MYO5A: variants seen among roughly 807,000 people sequenced by gnomAD.
The protein encoded by MYO5A is unconventional myosin-Va.
Under a neutral mutation model 249.7 loss-of-function variants are expected in MYO5A, and 98 were observed. That is an observed-to-expected ratio of 0.39 (90% CI 0.33 to 0.46). The LOEUF (loss-of-function observed/expected upper bound fraction) is 0.46, where lower values mean the gene tolerates loss of function less well. Among genes scored for constraint, MYO5A ranks in the 20% least tolerant of loss-of-function variants. The pLI is 0.98. For missense variants in MYO5A, 1,696 were observed against 2,308.8 expected, an observed-to-expected ratio of 0.73 and a Z score of 5.44; for synonymous variants, 778 against 810.6, an observed-to-expected ratio of 0.96 and a Z score of 0.68.
chr15:52,435,154 G>A (rs186167959), intron 1 of MYO5A, among the ~76,000 whole-genome samples: 507 of 151,986 alleles, frequency 3.3e-3, no homozygotes, highest in Non-Finnish European at 6.1e-3. Flanking sequence ...AGGAGAAAGC[G>A]AAAAGAAAGT....
intron 1 of MYO5A, among the ~76,000 whole-genome samples, chr15:52,473,614 G>A (rs553007139): frequency 1.6e-4 from 25 of 152,218 alleles, no homozygotes; most frequent in African/African-American, 6.0e-4. Context: ...TCTACATATG[G>A]CTACCCAGTT....
chr15:52,318,958 C>T lies in MYO5A; in HGVS notation c.5234+102G>A, dbSNP rs1467036004. ...TGCTGCTTGGCCACATGGCACCAGA[C>T]ATGAGATGCAAGAACTGAAAACAAG... On this transcript the variant is annotated intron_variant, in intron 39 of 41. Transcript: ENST00000399233. The T allele has an allele frequency of 2.8e-6, 4 of 1,426,094 alleles. No homozygotes were observed. In the South Asian group the frequency reaches 3.6e-5, roughly 13 times the overall value. 88.3% of individuals were successfully genotyped at this position (1,426,094 alleles called of 1,614,324 possible). A position where few individuals can be genotyped will look rare whatever the true frequency, so the allele number is the denominator to read the frequency against.
chr15:52,425,172 G>C lies in MYO5A; in HGVS notation c.455+658C>G, dbSNP rs555233439. 3.3e-5 allele frequency among the ~76,000 whole-genome samples: 5 copies of C among 152,218 alleles called. No individual in the cohort carries two copies. The East Asian group carries it at 9.6e-4, about 29-fold the overall frequency. The stretch of plus-strand genomic sequence containing the variant: ...TTTTTTACAGCTCCTAGGCTTTTTA[G>C]TTCTAGTCTATTACTCATTCGCTGA... On this transcript the variant is annotated intron_variant, in intron 4 of 41. Transcript: ENST00000399233.
chr15:52,401,718 T>C (rs1250070034), intron 9 of MYO5A, among the ~76,000 whole-genome samples: 1 of 152,218 alleles, frequency 6.6e-6, no homozygotes, highest in Admixed American at 6.5e-5. Context: ...AATTTTTTAG[T>C]AATGATCTCT....
chr15:52,431,327 A>C (rs970425256), intron 2 of MYO5A, among the ~76,000 whole-genome samples: 2 of 151,712 alleles, frequency 1.3e-5, no homozygotes, highest in Non-Finnish European at 2.9e-5. Context: ...CAGCAGTTCA[A>C]GACTAGCCTG....
At chr15:52,319,411 T>C in intron 38 of MYO5A, 69 bp from the exon 39 acceptor site, 1 of 1,506,198 alleles carries the variant, frequency 6.6e-7, no homozygotes, top group Non-Finnish European at 9.2e-7. Flanking sequence ...CATATCCATG[T>C]GCACAAACAC....
chr15:52,525,814 T>G (rs2077720160), intron 1 of MYO5A, among the ~76,000 whole-genome samples: 1 of 152,122 alleles, frequency 6.6e-6, no homozygotes, highest in Non-Finnish European at 1.5e-5. Flanking sequence ...TTCCCTAACT[T>G]CTACTAATAA....
At chr15:52,351,633 G>T in intron 27 of MYO5A, 152 bp from the exon 28 acceptor site, 1 of 746,152 alleles carries the variant, frequency 1.3e-6, no homozygotes, top group Non-Finnish European at 2.2e-6. Flanking sequence ...CAGGAGCCCT[G>T]CTTTGCAAAT....
rs1487991655 is a variant in MYO5A at position 52,311,730 on chromosome 15, A to G, written c.*1966T>C. ...GAGAATGGACTTACTGAGTAACTGC[A>G]GCTTTTTCTCTCTAGAATCTAAGGG... is the stretch of plus-strand genomic sequence containing the variant. On this transcript the variant is annotated 3_prime_UTR_variant, in exon 42 of 42. Coordinates refer to ENST00000399233, the MANE Select transcript of MYO5A (RefSeq NM_001382347.1). The G allele has an allele frequency of 1.3e-5, 2 of 152,392 alleles. No individual in the cohort carries two copies. Among genetic ancestry groups the G allele is most frequent in the Admixed American group, 6.5e-5 (1 of 15,278 alleles). 9.4% of individuals were successfully genotyped at this position (152,392 alleles called of 1,614,324 possible).
intron 1 of MYO5A, among the ~76,000 whole-genome samples, chr15:52,493,482 G>A (rs1039747617): frequency 6.6e-5 from 10 of 152,040 alleles, no homozygotes; most frequent in South Asian, 4.2e-4. Context: ...GGCCAACACC[G>A]TGAAACTCCG....
intron 1 of MYO5A, among the ~76,000 whole-genome samples, chr15:52,520,528 G>A (rs2077596061): frequency 6.6e-6 from 1 of 152,232 alleles, no homozygotes; most frequent in Non-Finnish European, 1.5e-5. Flanking sequence ...GCATGTGAGA[G>A]TCAGTGAAGA....
In MYO5A at chr15:52,397,298, A is replaced by G; in HGVS notation, c.1222T>C (p.Tyr408His). Reference protein sequence around the residue: ...NARDALAKHIYAKLFNWIVDN... With the variant: ...NARDALAKHIHAKLFNWIVDN... ...ACAATCCAGTTAAAGAGCTTGGCAT[A>G]GATGTGCTTGGCCAAAGCATCGCGG... The change falls in exon 10 of 42, where the codon TAT becomes CAT. Residue 408 changes from tyrosine to histidine, a missense_variant. By Grantham distance (83) the Tyr-to-His change is moderately conservative (BLOSUM62 2). Around this residue, in one of 5 missense-constraint regions of MYO5A, gnomAD observed 185 missense variants for 204.8 expected, o/e 0.90. Transcript: ENST00000399233. 6.2e-7 allele frequency: 1 copy of G among 1,614,144 alleles called. No homozygotes were observed. The highest frequency in any genetic ancestry group is 8.5e-7 in the Non-Finnish European group (1 of 1,179,986).
chr15:52,512,051 C>T (rs117683555), intron 1 of MYO5A, among the ~76,000 whole-genome samples: 22,734 of 151,426 alleles, frequency 0.15, 1,792 homozygotes, highest in Middle Eastern at 0.22. Flanking sequence ...TAGTCCCAGC[C>T]GTTCGTGAGG....
chr15:52,387,616 C>A, intron 14 of MYO5A: 1 of 512,326 alleles, frequency 2.0e-6, no homozygotes, highest in Non-Finnish European at 3.5e-6. Context: ...GGTGCCTCAT[C>A]CATAAAATAA....
At chr15:52,484,884 G>A (rs1041957736) in intron 1 of MYO5A, among the ~76,000 whole-genome samples, 1 of 151,426 alleles carries the variant, frequency 6.6e-6, no homozygotes, top group Non-Finnish European at 1.5e-5. Context: ...GCTCCTGGAT[G>A]AATTTTTTTG....
intron 9 of MYO5A, 93 bp downstream of exon 9, chr15:52,405,194 T>C (rs1205523602): frequency 1.2e-5 from 11 of 884,760 alleles, no homozygotes; most frequent in Non-Finnish European, 2.0e-5. Flanking sequence ...ATAATATTGA[T>C]AGAGAGACTT....
chr15:52,429,958 T>C (rs897764913), intron 2 of MYO5A, among the ~76,000 whole-genome samples: 3 of 152,152 alleles, frequency 2.0e-5, no homozygotes, highest in Non-Finnish European at 4.4e-5. Context: ...CAACCATGAA[T>C]ATTGTCACTT....
intron 1 of MYO5A, among the ~76,000 whole-genome samples, chr15:52,441,276 T>A (rs1595690202): frequency 1.3e-5 from 2 of 152,186 alleles, no homozygotes; most frequent in Non-Finnish European, 2.9e-5. Flanking sequence ...TATTTTGTAT[T>A]TTTTAAATTT....
Position 52,397,261 on chromosome 15 carries a change from T to C in MYO5A, c.1259A>G (p.Asn420Ser). 1 of 1,614,122 alleles carries C rather than the reference T, an allele frequency of 6.2e-7. No individual in the cohort carries two copies. The highest frequency in any genetic ancestry group is 8.5e-7 in the Non-Finnish European group (1 of 1,179,990). ...TTTGACAGCAGAATGGAGAGCCTGATTGACATTATCTACAATCCAGTTAAA... is the reference window on the plus strand; with the variant it reads ...TTTGACAGCAGAATGGAGAGCCTGACTGACATTATCTACAATCCAGTTAAA... ...KLFNWIVDNVNQALHSAVKQH... is the reference protein window; with the variant it reads ...KLFNWIVDNVSQALHSAVKQH... Residue 420 changes from asparagine to serine, a missense_variant, in exon 10 of 42, where the codon AAT (asparagine) becomes AGT (serine). By Grantham distance (46) the Asn-to-Ser change is conservative. Transcript: ENST00000399233.
Sources: gnomAD v4.1 joint callset for allele counts (sites outside exome capture counted in the v4.1 genomes callset) on GRCh38, gnomAD v4.1.1 for gene constraint, gnomAD v4.1.1 regional missense constraint, MANE v1.5 for transcripts, NCBI Gene and HGNC (gene_info 2026-07-23, HGNC 2026-07-21) for gene names.